KCNIP4: variants seen among roughly 807,000 people sequenced by gnomAD.
KCNIP4 encodes Kv channel-interacting protein 4.
Under a neutral mutation model 34.0 loss-of-function variants are expected in KCNIP4, and 12 were observed. The ratio of observed to expected loss-of-function variants is 0.35; its 90% CI spans 0.23 to 0.57. The LOEUF (loss-of-function observed/expected upper bound fraction) is 0.57. Among genes scored for constraint, KCNIP4 ranks in the 20% least tolerant of loss-of-function variants. The pLI is 0.83. For synonymous variants in KCNIP4, 124 were observed against 102.2 expected, an observed-to-expected ratio of 1.21 and a Z score of -1.29; for missense variants, 238 against 311.7, an observed-to-expected ratio of 0.76 and a Z score of 1.78.
At chr4:21,008,624 C>A (rs1027298884) in intron 1 of KCNIP4, among the ~76,000 whole-genome samples, 3 of 151,660 alleles carry the variant, frequency 2.0e-5, no homozygotes, top group African/African-American at 7.3e-5. Flanking sequence ...CCCGGGTTCA[C>A]GCCATTCTCC....
intron 1 of KCNIP4, among the ~76,000 whole-genome samples, chr4:21,476,793 G>A (rs1731019469): frequency 6.6e-6 from 1 of 152,102 alleles, no homozygotes; most frequent in South Asian, 2.1e-4. Flanking sequence ...TTCCTTTGGG[G>A]GCCAAAATAA....
At chr4:21,874,201 C>T (rs988819445) in intron 1 of KCNIP4, among the ~76,000 whole-genome samples, 3 of 152,220 alleles carry the variant, frequency 2.0e-5, no homozygotes, top group Non-Finnish European at 4.4e-5. Context: ...AAGTCTAAAG[C>T]AGGAATTATT....
At chr4:21,252,468 T>C (rs1760783996) in intron 1 of KCNIP4, among the ~76,000 whole-genome samples, 1 of 152,060 alleles carries the variant, frequency 6.6e-6, no homozygotes, top group African/African-American at 2.4e-5. Context: ...TGAGGTAGAT[T>C]TATGATACAT....
chr4:21,129,099 T>TGTTC (rs1750853499), intron 1 of KCNIP4, among the ~76,000 whole-genome samples: 1 of 152,184 alleles, frequency 6.6e-6, no homozygotes, highest in Admixed American at 6.5e-5. Context: ...TCCCCCATAC[T>TGTTC]GTTCTCGTGG....
At chr4:21,923,981 G>C (rs564395997) in intron 1 of KCNIP4, among the ~76,000 whole-genome samples, 1 of 152,162 alleles carries the variant, frequency 6.6e-6, no homozygotes. Context: ...TGCCACAGAA[G>C]AGAGTCAGGT....
chr4:21,080,176 C>T (rs945088152), intron 1 of KCNIP4, among the ~76,000 whole-genome samples: 30 of 151,766 alleles, frequency 2.0e-4, no homozygotes, highest in Non-Finnish European at 1.0e-4. Context: ...AATCAGGCTC[C>T]TCCACCTCTC....
At chr4:20,737,549 G>A (rs1749943186) in intron 5 of KCNIP4, among the ~76,000 whole-genome samples, 1 of 152,142 alleles carries the variant, frequency 6.6e-6, no homozygotes, top group Admixed American at 6.5e-5. Context: ...AACATGGTGT[G>A]GATGCCAGCA....
chr4:21,145,309 T>C (rs1468676081), intron 1 of KCNIP4, among the ~76,000 whole-genome samples: 1 of 152,168 alleles, frequency 6.6e-6, no homozygotes, highest in African/African-American at 2.4e-5. Context: ...CAATGGAAGG[T>C]CTAACAAATT....
At chr4:21,847,173 C>G (rs1724069293) in intron 1 of KCNIP4, 1 of 152,018 alleles carries the variant, frequency 6.6e-6, no homozygotes, top group African/African-American at 2.4e-5. Context: ...GAAGTAATAC[C>G]TTTTTTCCAT....
chr4:21,610,491 G>A (rs757428835), intron 1 of KCNIP4, among the ~76,000 whole-genome samples: 5 of 152,158 alleles, frequency 3.3e-5, no homozygotes, highest in African/African-American at 9.7e-5. Flanking sequence ...AGTTTCATTT[G>A]AGGTACTGGA....
intron 1 of KCNIP4, among the ~76,000 whole-genome samples, chr4:21,528,703 G>A (rs1341939529): frequency 4.0e-3 from 1 of 248 alleles, no homozygotes; most frequent in African/African-American, 0.015. Context: ...AAGAAAGAAA[G>A]AAAGAAAGAA....
chr4:21,241,077 A>G (rs1184093947), intron 1 of KCNIP4, among the ~76,000 whole-genome samples: 1 of 152,134 alleles, frequency 6.6e-6, no homozygotes, highest in Non-Finnish European at 1.5e-5. Flanking sequence ...GAGTCACTAC[A>G]TGTTTTGTTG....
At chr4:21,589,989 G>T (rs552114562) in intron 1 of KCNIP4, among the ~76,000 whole-genome samples, 2 of 152,128 alleles carry the variant, frequency 1.3e-5, no homozygotes, top group African/African-American at 4.8e-5. Flanking sequence ...ATAAAATTTG[G>T]AAGGAGCAAC....
At chr4:21,069,772 C>A (rs924210767) in intron 1 of KCNIP4, among the ~76,000 whole-genome samples, 12 of 152,128 alleles carry the variant, frequency 7.9e-5, no homozygotes, top group African/African-American at 2.9e-4. Context: ...TAGGAAATTG[C>A]ATAGTTAGTA....
intron 1 of KCNIP4, among the ~76,000 whole-genome samples, chr4:20,986,327 T>G (rs1444436672): frequency 6.6e-6 from 1 of 152,196 alleles, no homozygotes; most frequent in East Asian, 1.9e-4. Context: ...TATCCTTGTA[T>G]CCACCTGCCC....
chr4:21,444,106 C>T (rs1240604679), intron 1 of KCNIP4, among the ~76,000 whole-genome samples: 1 of 152,126 alleles, frequency 6.6e-6, no homozygotes, highest in East Asian at 1.9e-4. Context: ...AGACCAATAA[C>T]AGGCTCTGAA....
chr4:21,105,499 A>T (rs939383345), intron 1 of KCNIP4, among the ~76,000 whole-genome samples: 1 of 151,684 alleles, frequency 6.6e-6, no homozygotes, highest in Non-Finnish European at 1.5e-5. Flanking sequence ...TTTTGGGCTG[A>T]GACAATGGGG....
chr4:21,892,671 A>T (rs746476406), intron 1 of KCNIP4, among the ~76,000 whole-genome samples: 2 of 152,086 alleles, frequency 1.3e-5, no homozygotes, highest in Non-Finnish European at 2.9e-5. Flanking sequence ...TAAGTTGTCT[A>T]TAAAATAGAT....
At chr4:21,280,882 C>A (rs1055675712) in intron 1 of KCNIP4, among the ~76,000 whole-genome samples, 1 of 151,986 alleles carries the variant, frequency 6.6e-6, no homozygotes, top group African/African-American at 2.4e-5. Flanking sequence ...GGGTTTCTTG[C>A]GTAGCAGAGA....
Sources: gnomAD v4.1 joint callset for allele counts (sites outside exome capture counted in the v4.1 genomes callset) on GRCh38, gnomAD v4.1.1 for gene constraint, MANE v1.5 for transcripts, NCBI Gene and HGNC (gene_info 2026-07-23, HGNC 2026-07-21) for gene names.